Variants in PEPD observed in about 807,000 individuals in gnomAD.
PEPD encodes the protein peptidase D, also known as xaa-Pro dipeptidase.
PEPD carries 53 observed loss-of-function variants against 60.7 expected under a neutral mutation model. The observed-to-expected ratio is 0.87, with a 90% CI of 0.70 to 1.10. The LOEUF is 1.10. Ranked by LOEUF, PEPD falls within the 50% of genes least tolerant of loss-of-function variation. PEPD has a pLI of 0.00. For synonymous variants in PEPD, 267 were observed against 284.1 expected, an observed-to-expected ratio of 0.94 and a Z score of 0.60; for missense variants, 711 against 711.9, an observed-to-expected ratio of 1.00 and a Z score of 0.01.
intron 5 of PEPD, 32 bp from the exon 6 acceptor site, chr19:33,490,089 G>A (rs763907004): frequency 1.3e-6 from 2 of 1,545,194 alleles, no homozygotes; most frequent in South Asian, 1.1e-5. Flanking sequence ...ATGACACACG[G>A]GGCCGCATGG....
chr19:33,496,345 C>T (rs955830407), intron 4 of PEPD, among the ~76,000 whole-genome samples: 12 of 152,156 alleles, frequency 7.9e-5, no homozygotes, highest in Non-Finnish European at 1.5e-4. Context: ...GCCCGGTGCT[C>T]AGACAATCCA....
At chr19:33,505,272 G>GCATTTGCTCTGCGGTGGAAGGCAGCA (rs1970778041) in intron 3 of PEPD, among the ~76,000 whole-genome samples, 1 of 152,080 alleles carries the variant, frequency 6.6e-6, no homozygotes. Flanking sequence ...AGAAGGCAGC[G>GCATTTGCTCTGCGGTGGAAGGCAGCA]GCATTTGCTC....
chr19:33,388,477 G>A (rs559142850), intron 13 of PEPD: 71 of 365,614 alleles, frequency 1.9e-4, no homozygotes, highest in African/African-American at 6.2e-4. Context: ...CTCTTAAGGC[G>A]GCTGTGAAGC....
chr19:33,520,325 A>T (rs1213089829), intron 1 of PEPD, among the ~76,000 whole-genome samples: 2 of 152,206 alleles, frequency 1.3e-5, no homozygotes, highest in Non-Finnish European at 2.9e-5. Context: ...GGATTCAAGG[A>T]TCTGACCCTG....
intron 13 of PEPD, among the ~76,000 whole-genome samples, chr19:33,389,658 A>C (rs983212771): frequency 2.0e-5 from 3 of 152,068 alleles, no homozygotes; most frequent in Non-Finnish European, 4.4e-5. Flanking sequence ...CCATGGGCCC[A>C]CCCCGGCTGC....
At chr19:33,448,261 C>A (rs1969629121) in intron 9 of PEPD, among the ~76,000 whole-genome samples, 1 of 152,226 alleles carries the variant, frequency 6.6e-6, no homozygotes, top group Non-Finnish European at 1.5e-5. Flanking sequence ...ACCTCAATAA[C>A]TGCTCCTGCG....
chr19:33,457,570 G>A (rs1969826061), intron 9 of PEPD, among the ~76,000 whole-genome samples: 1 of 152,194 alleles, frequency 6.6e-6, no homozygotes, highest in South Asian at 2.1e-4. Context: ...TGCCCAGGCT[G>A]GAATGCAGAG....
chr19:33,496,349 C>A (rs1970603250), intron 4 of PEPD, among the ~76,000 whole-genome samples: 1 of 152,180 alleles, frequency 6.6e-6, no homozygotes, highest in South Asian at 2.1e-4. Context: ...GGTGCTCAGA[C>A]AATCCAGGCC....
intron 9 of PEPD, among the ~76,000 whole-genome samples, chr19:33,431,115 G>GGAGGAAGGGAGAGAGGAACA (rs1401166083): frequency 2.7e-5 from 4 of 150,180 alleles, no homozygotes; most frequent in African/African-American, 9.8e-5. Context: ...ATGAAGGAAG[G>GGAGGAAGGGAGAGAGGAACA]GAGGAAGGGA....
intron 9 of PEPD, among the ~76,000 whole-genome samples, chr19:33,435,314 G>A (rs1436137002): frequency 1.3e-5 from 2 of 152,226 alleles, no homozygotes; most frequent in Non-Finnish European, 2.9e-5. Flanking sequence ...GGAAAATGGA[G>A]GACCCAGAGC....
At chr19:33,513,472 C>T (rs1253958487) in intron 1 of PEPD, among the ~76,000 whole-genome samples, 1 of 152,140 alleles carries the variant, frequency 6.6e-6, no homozygotes, top group Non-Finnish European at 1.5e-5. Context: ...GGCCTCCTAT[C>T]TCATCCCACC....
intron 6 of PEPD, among the ~76,000 whole-genome samples, chr19:33,479,156 T>C (rs1970271750): frequency 6.6e-6 from 1 of 151,958 alleles, no homozygotes; most frequent in East Asian, 1.9e-4. Flanking sequence ...CAAGTTTAAG[T>C]AGTCAATTGT....
chr19:33,426,215 C>T (rs1969144504), intron 9 of PEPD, among the ~76,000 whole-genome samples: 1 of 152,074 alleles, frequency 6.6e-6, no homozygotes, highest in African/African-American at 2.4e-5. Context: ...CACCCAGATC[C>T]CACCTTGTAG....
At chr19:33,435,879 C>T (rs1969366428) in intron 9 of PEPD, among the ~76,000 whole-genome samples, 1 of 152,194 alleles carries the variant, frequency 6.6e-6, no homozygotes, top group Non-Finnish European at 1.5e-5. Context: ...AGCAGGTCCT[C>T]GGCCTTCCCA....
At chr19:33,424,130 C>T (rs1034225457) in intron 9 of PEPD, among the ~76,000 whole-genome samples, 4 of 152,218 alleles carry the variant, frequency 2.6e-5, no homozygotes, top group African/African-American at 9.6e-5. Flanking sequence ...ACTGCCCTCA[C>T]TGGGGCTTTC....
chr19:33,493,366 T>C (rs976654175), intron 4 of PEPD, 29 bp from the exon 5 acceptor site: 2 of 1,535,566 alleles, frequency 1.3e-6, no homozygotes, highest in Admixed American at 1.7e-5. Context: ...AAACCCACTT[T>C]AGAGGCACCA....
chr19:33,448,058 C>T (rs1969624961), intron 9 of PEPD, among the ~76,000 whole-genome samples: 1 of 152,216 alleles, frequency 6.6e-6, no homozygotes. Context: ...GGAGACAGCC[C>T]TTCCTGGATG....
chr19:33,401,361 C>A (rs1266132315), intron 12 of PEPD, among the ~76,000 whole-genome samples: 1 of 152,250 alleles, frequency 6.6e-6, no homozygotes, highest in African/African-American at 2.4e-5. Context: ...TGCTCTGACC[C>A]CATGCCAGTG....
rs1968503539 is a variant in PEPD at position 33,401,865 on chromosome 19, A to G, written c.823T>C (p.Phe275Leu). Residue 275 changes from phenylalanine to leucine, a missense_variant, in exon 12 of 15, where the codon TTC becomes CTC. Physicochemically the swap from Phe to Leu is conservative, Grantham distance 22. Transcript: ENST00000244137. ...CAGTAATACTCACCGCCCATGTCGA[A>G]CAGGCTGCGGAGAGAGGAAGGCAGG... ...RTIQNGDMCL[F>L]DMGGEYYCFA... is the part of the protein sequence containing the mutation. 8.1e-6 allele frequency: 13 copies of G among 1,613,074 alleles called. No homozygotes were observed. In the South Asian group the frequency reaches 1.1e-4, roughly 14 times the overall value.
Sources: gnomAD v4.1 joint callset for allele counts (sites outside exome capture counted in the v4.1 genomes callset) on GRCh38, gnomAD v4.1.1 for gene constraint, MANE v1.5 for transcripts, NCBI Gene and HGNC (gene_info 2026-07-23, HGNC 2026-07-21) for gene names.